Variants in ACSM2A observed in about 807,000 individuals in gnomAD.
ACSM2A encodes the protein acyl-coenzyme A synthetase ACSM2A, mitochondrial.
Under a neutral mutation model 76.6 loss-of-function variants are expected in ACSM2A, and 72 were observed. That is an observed-to-expected ratio of 0.94 (90% CI 0.78 to 1.14). ACSM2A has a LOEUF of 1.14. Among genes scored for constraint, ACSM2A ranks in the 50% most tolerant of loss-of-function variants. ACSM2A has a pLI of 0.00. For missense variants in ACSM2A, 684 were observed against 708.5 expected, an observed-to-expected ratio of 0.97 and a Z score of 0.39; for synonymous variants, 249 against 255.9, an observed-to-expected ratio of 0.97 and a Z score of 0.26.
chr16:20,459,991 A>ATT, intron 1 of ACSM2A, 116 bp from the exon 2 acceptor site: 1 of 1,432,342 alleles, frequency 7.0e-7, no homozygotes, highest in Non-Finnish European at 9.2e-7. Context: ...TAACTACAGC[A>ATT]AATTAATTCC....
intron 6 of ACSM2A, chr16:20,474,025 C>T (rs941114677): frequency 4.5e-5 from 20 of 447,460 alleles, no homozygotes; most frequent in East Asian, 2.2e-4. Flanking sequence ...TGGAAGCCCC[C>T]GCTTCAAGTT....
intron 3 of ACSM2A, among the ~76,000 whole-genome samples, chr16:20,466,675 A>G (rs1258909174): frequency 2.0e-5 from 3 of 152,102 alleles, no homozygotes; most frequent in African/African-American, 4.8e-5. Context: ...TGTTGAGTCA[A>G]CTCCTCAGAG....
intron 1 of ACSM2A, among the ~76,000 whole-genome samples, chr16:20,457,619 C>G (rs2012267706): frequency 6.6e-6 from 1 of 151,916 alleles, no homozygotes; most frequent in African/African-American, 2.4e-5. Context: ...CCAGCATCCT[C>G]TTATGATTAA....
intron 10 of ACSM2A, 97 bp downstream of exon 10, chr16:20,478,774 C>T (rs1505102): frequency 3.5e-5 from 51 of 1,440,446 alleles, no homozygotes; most frequent in African/African-American, 3.4e-4. Flanking sequence ...CCAAGAGGCA[C>T]TAGATGTGGA....
intron 8 of ACSM2A, 22 bp downstream of exon 8, chr16:20,475,795 A>G: frequency 1.9e-6 from 3 of 1,612,180 alleles, no homozygotes; most frequent in Non-Finnish European, 2.5e-6. Flanking sequence ...CAGGGGAACC[A>G]TGGGCTGTGT....
intron 5 of ACSM2A, 22 bp from the exon 6 acceptor site, chr16:20,471,514 T>A: frequency 1.9e-6 from 3 of 1,603,488 alleles, no homozygotes; most frequent in Non-Finnish European, 2.6e-6. Flanking sequence ...TATATGTACA[T>A]GTGTTTTGTC....
chr16:20,479,026 C>A (rs546698719), intron 10 of ACSM2A, among the ~76,000 whole-genome samples: 183 of 149,814 alleles, frequency 1.2e-3, no homozygotes, highest in Middle Eastern at 3.4e-3. Flanking sequence ...CATCCCCATG[C>A]TCTATGCCAT....
chr16:20,454,636 C>T (rs2141677249), intron 1 of ACSM2A, among the ~76,000 whole-genome samples: 1 of 152,024 alleles, frequency 6.6e-6, no homozygotes, highest in African/African-American at 2.4e-5. Context: ...GGGAACATCC[C>T]ATGGGAAAAA....
chr16:20,469,830 G>C (rs2013268411), intron 4 of ACSM2A, 111 bp downstream of exon 4: 16 of 1,373,198 alleles, frequency 1.2e-5, no homozygotes, highest in Non-Finnish European at 1.5e-5. Flanking sequence ...CATGGGACTA[G>C]GAAGAGTGAA....
At chr16:20,468,739 A>G (rs1035590179) in intron 3 of ACSM2A, among the ~76,000 whole-genome samples, 21 of 152,220 alleles carry the variant, frequency 1.4e-4, no homozygotes, top group Admixed American at 1.1e-3. Context: ...AGAATTTAGG[A>G]AAGTGATAAT....
At position 20,487,642 on chromosome 16, in the gene ACSM2A, T is replaced by A. The variant is rs1460928824; in HGVS notation, c.*964T>A. 6.6e-6 allele frequency: 1 copy of A among 152,222 alleles called. No homozygotes were observed. The allele number at this position is 152,222 out of a possible 1,614,324, so 9.4% of individuals were successfully genotyped here. On this transcript the variant is annotated 3_prime_UTR_variant, in exon 14 of 14. Coordinates refer to ENST00000573854, the MANE Select transcript of ACSM2A (RefSeq NM_001308172.2). ...TTGATGTTATCTACTCTTCCTAGAATCAAATATTAAAATAATTTTAAAACC... is the reference window on the plus strand; with the variant it reads ...TTGATGTTATCTACTCTTCCTAGAAACAAATATTAAAATAATTTTAAAACC...
At chr16:20,454,779 C>G (rs996774127) in intron 1 of ACSM2A, among the ~76,000 whole-genome samples, 7 of 151,848 alleles carry the variant, frequency 4.6e-5, no homozygotes, top group African/African-American at 1.5e-4. Flanking sequence ...AAAAATCACA[C>G]TAGCTCACCA....
rs1555497751 is a variant in ACSM2A, at chr16:20,458,918, A to ATATATATATAGTG, written c.-8-1179_-8-1178insGTGTATATATATA. Among the ~76,000 whole-genome samples, 4 of 63,690 alleles carry ATATATATATAGTG rather than the reference A, an allele frequency of 6.3e-5. No individual in the cohort carries two copies. In the East Asian group the frequency reaches 0.011, roughly 177 times the overall value. 41.8% of individuals were successfully genotyped at this position (63,690 alleles called of 152,430 possible). The stretch of plus-strand genomic sequence containing the variant: ...TATATATATATGCATATATATATAT[A>ATATATATATAGTG]TATATATATATATACATATATATAT... On this transcript the variant is annotated intron_variant, in intron 1 of 13. Transcript: ENST00000573854.
At chr16:20,479,738 G>A (rs1257679028) in intron 10 of ACSM2A, among the ~76,000 whole-genome samples, 6 of 152,182 alleles carry the variant, frequency 3.9e-5, no homozygotes, top group Non-Finnish European at 8.8e-5. Flanking sequence ...CCATTTGACA[G>A]AAAAGGAAAC....
At chr16:20,466,977 A>G (rs766604303) in intron 3 of ACSM2A, among the ~76,000 whole-genome samples, 3 of 152,132 alleles carry the variant, frequency 2.0e-5, no homozygotes, top group Non-Finnish European at 4.4e-5. Context: ...TATCATTTTT[A>G]TTTTAAAGTT....
intron 9 of ACSM2A, 128 bp from the exon 10 acceptor site, chr16:20,478,448 C>T (rs2013882260): frequency 1.9e-6 from 2 of 1,071,340 alleles, no homozygotes; most frequent in South Asian, 2.0e-5. Flanking sequence ...CCCCTGGCTT[C>T]TGGTTGTTGT....
At chr16:20,473,012 A>T (rs1043304574) in intron 6 of ACSM2A, among the ~76,000 whole-genome samples, 1 of 152,196 alleles carries the variant, frequency 6.6e-6, no homozygotes, top group Non-Finnish European at 1.5e-5. Flanking sequence ...GCAGCTATGC[A>T]TTATCCTGTA....
intron 12 of ACSM2A, chr16:20,482,680 G>C (rs1321925287): frequency 6.1e-6 from 1 of 165,036 alleles, no homozygotes; most frequent in African/African-American, 2.4e-5. Context: ...GTTAAATTTG[G>C]CAATTTTATC....
chr16:20,482,911 G>A (rs986070774), intron 12 of ACSM2A, 147 bp from the exon 13 acceptor site: 7 of 1,337,168 alleles, frequency 5.2e-6, no homozygotes, highest in Non-Finnish European at 7.1e-6. Flanking sequence ...CATGTCCCCA[G>A]TTTTCTCCTT....
Sources: gnomAD v4.1 joint callset for allele counts (sites outside exome capture counted in the v4.1 genomes callset) on GRCh38, gnomAD v4.1.1 for gene constraint, MANE v1.5 for transcripts, NCBI Gene and HGNC (gene_info 2026-07-23, HGNC 2026-07-21) for gene names.